LGR6: variants seen among roughly 807,000 people sequenced by gnomAD.
LGR6 encodes leucine rich repeat containing G protein-coupled receptor 6, also known as leucine-rich repeat-containing G protein-coupled receptor 6.
Under a neutral mutation model 69.4 loss-of-function variants are expected in LGR6, and 45 were observed. The ratio of observed to expected loss-of-function variants is 0.65; its 90% CI spans 0.51 to 0.83. The LOEUF (loss-of-function observed/expected upper bound fraction) is 0.83, where lower values mean the gene tolerates loss of function less well. LGR6 is among the 40% of genes least tolerant of loss of function. The pLI is 0.00. For synonymous variants in LGR6, 538 were observed against 555.0 expected (o/e 0.97, Z 0.43); for missense variants, 1,108 against 1,246.7 (o/e 0.89, Z 1.68).
Position 202,203,768 on chromosome 1 carries a change from G to A in LGR6, c.212+9567G>A, listed in dbSNP as rs370815930. 6.6e-5 allele frequency: 106 copies of A among 1,609,472 alleles called. No individual in the cohort carries two copies. The South Asian group carries it at 7.4e-4, about 11-fold the overall frequency. On this transcript the variant is annotated intron_variant, in intron 1 of 17. Coordinates refer to ENST00000367278, the MANE Select transcript of LGR6 (RefSeq NM_001017403.2). ...TGTGTCTAACTGATGCTCCTAATGC[G>A]GAAGCCCCTGAAAGGCGGTTGTGGT...
rs144423122 is a variant in LGR6, at chr1:202,255,498, C to A, written c.428+19505C>A. Among the ~76,000 whole-genome samples the A allele has an allele frequency of 3.5e-3, 539 of 152,336 alleles. 5 individuals are homozygous for A. Among genetic ancestry groups the A allele is most frequent in the African/African-American group, 0.012 (516 of 41,574 alleles). ...CGTCTCTCCCTCCCCAGCGCCCTTC[C>A]CCGCTCAGGCTGCAGAGTCCGTGGA... On this transcript the variant is annotated intron_variant, in intron 4 of 17. Coordinates refer to ENST00000367278, the MANE Select transcript of LGR6 (RefSeq NM_001017403.2).
chr1:202,309,144 G>A lies in LGR6; in HGVS notation c.1374G>A (p.Gln458=). 6.2e-7 allele frequency: 1 copy of A among 1,614,116 alleles called. No individual in the cohort carries two copies. The highest frequency in any genetic ancestry group is 2.2e-5 in the East Asian group (1 of 44,880). ...TCAAAGGGAACCTTGCTCTCTCCCA[G>A]GCCTTCTCCAAGGACAGTTTCCCAA... ...LKLKGNLALS[Q]AFSKDSFPKL... Residue 458 remains glutamine (Q), a synonymous_variant, in exon 15 of 18, where the codon CAG becomes CAA. Coordinates refer to ENST00000367278, the MANE Select transcript of LGR6 (RefSeq NM_001017403.2).
In LGR6 at chr1:202,314,871, G is replaced by T. The variant is rs990418184; in HGVS notation, c.1637G>T (p.Ser546Ile). The T allele has an allele frequency of 3.1e-6, 5 of 1,613,620 alleles. No individual in the cohort carries two copies. The Admixed American group carries it at 8.3e-5, about 27-fold the overall frequency. Reference protein sequence around the residue: ...DSKPHPSVQCSPTPGPFKPCE... With the variant: ...DSKPHPSVQCIPTPGPFKPCE... ...AAGCCACACCCCAGTGTCCAGTGTA[G>T]CCCTACTCCAGGTGAGGTGGTGTCT... Residue 546 changes from serine to isoleucine, a missense_variant, in exon 17 of 18, where the codon AGC becomes ATC. Ser to Ile is a moderately radical substitution (Grantham distance 142). Transcript: ENST00000367278.
chr1:202,294,244 A>G (rs1326623941), intron 6 of LGR6, among the ~76,000 whole-genome samples: 4 of 152,214 alleles, frequency 2.6e-5, no homozygotes, highest in Admixed American at 1.3e-4. Flanking sequence ...CAATGTTTCT[A>G]TTTTCAAGAA....
rs1483415698 is a variant in LGR6, at chr1:202,239,789, A to G, written c.428+3796A>G. On this transcript the variant is annotated intron_variant, in intron 4 of 17. Transcript: ENST00000367278. Reference sequence around the variant, plus strand: ...TTCTTCACTTACTCACTTACTGCCTATAAGATCCTGGGCAGACTACTTACC... The same window carrying G: ...TTCTTCACTTACTCACTTACTGCCTGTAAGATCCTGGGCAGACTACTTACC... 3.3e-5 allele frequency among the ~76,000 whole-genome samples: 5 copies of G among 152,314 alleles called. No homozygotes were observed. The East Asian group carries it at 9.6e-4, about 29-fold the overall frequency.
At chr1:202,196,826 GT>G (rs1658658258) in intron 1 of LGR6, among the ~76,000 whole-genome samples, 1 of 152,144 alleles carries the variant, frequency 6.6e-6, no homozygotes, top group African/African-American at 2.4e-5. Context: ...GGAATGGTTT[GT>G]GGCTGGAGGA....
intron 4 of LGR6, among the ~76,000 whole-genome samples, chr1:202,243,926 T>TA (rs756624792): frequency 3.4e-5 from 5 of 148,522 alleles, no homozygotes; most frequent in Non-Finnish European, 7.4e-5. Flanking sequence ...AAGATAAGAA[T>TA]AAAAAACAAA....
chr1:202,245,899 TG>T (rs1662620640), intron 4 of LGR6, among the ~76,000 whole-genome samples: 1 of 152,054 alleles, frequency 6.6e-6, no homozygotes, highest in South Asian at 2.1e-4. Context: ...GGTGTGTCTC[TG>T]TCCATCCATC....
At chr1:202,269,446 A>T (rs1209013619) in intron 4 of LGR6, among the ~76,000 whole-genome samples, 1 of 151,988 alleles carries the variant, frequency 6.6e-6, no homozygotes, top group Non-Finnish European at 1.5e-5. Context: ...CTCCTTTCCT[A>T]CTCTGCAAAA....
chr1:202,291,676 TC>T (rs1225183392), intron 6 of LGR6, among the ~76,000 whole-genome samples: 3 of 152,158 alleles, frequency 2.0e-5, no homozygotes, highest in Non-Finnish European at 2.9e-5. Flanking sequence ...TGGACTTCAA[TC>T]CCCGCCCTTC....
intron 6 of LGR6, among the ~76,000 whole-genome samples, chr1:202,283,369 G>A (rs1284202606): frequency 6.6e-6 from 1 of 152,144 alleles, no homozygotes; most frequent in African/African-American, 2.4e-5. Context: ...GGAGTAGATG[G>A]GAGAATAAAA....
chr1:202,295,957 C>T (rs1487651757), intron 6 of LGR6, among the ~76,000 whole-genome samples: 3 of 151,872 alleles, frequency 2.0e-5, no homozygotes, highest in Non-Finnish European at 4.4e-5. Context: ...TTGTCACTGC[C>T]CCTCTGGCCC....
intron 6 of LGR6, among the ~76,000 whole-genome samples, chr1:202,284,500 G>A (rs562564409): frequency 1.3e-5 from 2 of 152,120 alleles, no homozygotes; most frequent in African/African-American, 2.4e-5. Context: ...TTTGTAATAC[G>A]TTGCTTCACT....
At chr1:202,244,495 T>G (rs374005249) in intron 4 of LGR6, among the ~76,000 whole-genome samples, 1 of 152,120 alleles carries the variant, frequency 6.6e-6, no homozygotes, top group Non-Finnish European at 1.5e-5. Context: ...GGTGGGTGCT[T>G]CTTTGCCTCT....
chr1:202,203,729 G>C, intron 1 of LGR6: 1 of 1,405,652 alleles, frequency 7.1e-7, no homozygotes, highest in Non-Finnish European at 1.0e-6. Flanking sequence ...GCGGGGCACA[G>C]AGGAGGGAAC....
rs769641205 is a variant in LGR6, at chr1:202,318,121, C to T, written c.1818C>T (p.Gly606=). The change falls in exon 18 of 18, where the codon GGC becomes GGT. Residue 606 remains glycine, a synonymous_variant. Transcript: ENST00000367278. ...PVKFVVGAIA[G]ANTLTGISCG... is the part of the protein sequence containing the mutation. ...AGTTTGTGGTAGGTGCGATTGCAGG[C>T]GCCAACACCTTGACTGGCATTTCCT... 18 of 1,614,048 alleles carry T rather than the reference C, an allele frequency of 1.1e-5. No homozygotes were observed. Among genetic ancestry groups the T allele is most frequent in the East Asian group, 1.1e-4 (5 of 44,900 alleles).
At chr1:202,236,071 C>A in intron 4 of LGR6, 78 bp downstream of exon 4, 1 of 1,223,978 alleles carries the variant, frequency 8.2e-7, no homozygotes. Flanking sequence ...CCTGCCTCAG[C>A]TTTCCCTTCC....
chr1:202,222,647 G>C (rs1660246140), intron 1 of LGR6, among the ~76,000 whole-genome samples: 1 of 152,220 alleles, frequency 6.6e-6, no homozygotes, highest in Non-Finnish European at 1.5e-5. Flanking sequence ...GGGACACCAG[G>C]GGGAGGAGTC....
At chr1:202,233,497 G>A (rs1571857994) in intron 3 of LGR6, among the ~76,000 whole-genome samples, 1 of 152,144 alleles carries the variant, frequency 6.6e-6, no homozygotes, top group Non-Finnish European at 1.5e-5. Context: ...GGAAGCGAAG[G>A]CCCACCCTTT....
Sources: gnomAD v4.1 joint callset for allele counts (sites outside exome capture counted in the v4.1 genomes callset) on GRCh38, gnomAD v4.1.1 for gene constraint, MANE v1.5 for transcripts, NCBI Gene and HGNC (gene_info 2026-07-23, HGNC 2026-07-21) for gene names.